Variants in CDC37L1 observed in about 807,000 individuals in gnomAD.
CDC37L1 encodes hsp90 co-chaperone Cdc37-like 1.
Under a neutral mutation model 45.9 loss-of-function variants are expected in CDC37L1, and 32 were observed. The observed-to-expected ratio is 0.70, with a 90% CI of 0.53 to 0.94. The LOEUF is 0.94. Among genes scored for constraint, CDC37L1 ranks in the 40% least tolerant of loss-of-function variants. CDC37L1 has a pLI of 0.00. For synonymous variants in CDC37L1, 150 were observed against 133.0 expected, an observed-to-expected ratio of 1.13 and a Z score of -0.88; for missense variants, 434 against 405.7, an observed-to-expected ratio of 1.07 and a Z score of -0.60.
At chr9:4,704,055 A>G (rs559927756) in intron 6 of CDC37L1, among the ~76,000 whole-genome samples, 1 of 152,350 alleles carries the variant, frequency 6.6e-6, no homozygotes, top group East Asian at 1.9e-4. Flanking sequence ...AGTTGAGGGA[A>G]GTAAAATGAG....
intron 5 of CDC37L1, among the ~76,000 whole-genome samples, chr9:4,700,009 ACT>A (rs1563772310): frequency 6.6e-6 from 1 of 152,014 alleles, no homozygotes; most frequent in East Asian, 1.9e-4. Flanking sequence ...TTAAAAAAAA[ACT>A]CTCAATGTGG....
chr9:4,701,225 C>T (rs556885256), intron 5 of CDC37L1, among the ~76,000 whole-genome samples: 1 of 152,202 alleles, frequency 6.6e-6, no homozygotes, highest in Non-Finnish European at 1.5e-5. Context: ...TAAACAGAGG[C>T]AGCTGCCAAT....
intron 3 of CDC37L1, among the ~76,000 whole-genome samples, chr9:4,692,812 T>A (rs1048218322): frequency 6.6e-6 from 1 of 152,188 alleles, no homozygotes; most frequent in Non-Finnish European, 1.5e-5. Context: ...TATTAACTGA[T>A]CATAGTAGTA....
chr9:4,697,080 A>G lies in CDC37L1; in HGVS notation c.509-16A>G, dbSNP rs7025425. ...GAAAATATTTGACACTTATGGTTCA[A>G]TTCTTTTTTTTACAGGTATGTTGAG... On this transcript the variant is annotated splice_polypyrimidine_tract_variant and intron_variant, in intron 3 of 6. Transcript: ENST00000381854. 5.2e-4 allele frequency: 587 copies of G among 1,128,056 alleles called. 2 individuals are homozygous for G. The highest frequency in any genetic ancestry group is 8.0e-5 in the Non-Finnish European group (60 of 752,470). 69.9% of individuals were successfully genotyped at this position (1,128,056 alleles called of 1,614,324 possible).
At chr9:4,702,067 T>A in intron 6 of CDC37L1, 39 bp downstream of exon 6, 2 of 1,102,158 alleles carry the variant, frequency 1.8e-6, no homozygotes, top group Non-Finnish European at 2.5e-6. Flanking sequence ...ATAAGCCTAT[T>A]AATTCACATA....
chr9:4,690,088 T>C (rs914499045), intron 3 of CDC37L1, among the ~76,000 whole-genome samples: 3 of 152,210 alleles, frequency 2.0e-5, no homozygotes, highest in African/African-American at 7.2e-5. Flanking sequence ...TCTGGCACTA[T>C]GTATCTTCAG....
chr9:4,701,819 A>T, intron 5 of CDC37L1, 45 bp from the exon 6 acceptor site: 1 of 1,443,680 alleles, frequency 6.9e-7, no homozygotes, highest in Non-Finnish European at 9.5e-7. Flanking sequence ...TATGTCTAGA[A>T]ATCTTGAAGA....
In CDC37L1 at chr9:4,679,903, A is replaced by G. The variant is rs771941234; in HGVS notation, c.132+4A>G. ...GCTGCCAGGCGGCGGCGCCCAGGTG[A>G]GAAGGGGCCTGCGTTCTGCGGAGGG... On this transcript the variant is annotated splice_donor_region_variant and intron_variant, in intron 1 of 6. Transcript: ENST00000381854. 2 of 1,613,592 alleles carry G rather than the reference A, an allele frequency of 1.2e-6. No homozygotes were observed. The highest frequency in any genetic ancestry group is 1.7e-6 in the Non-Finnish European group (2 of 1,179,866).
At chr9:4,692,580 T>A (rs1374889354) in intron 3 of CDC37L1, among the ~76,000 whole-genome samples, 3 of 152,192 alleles carry the variant, frequency 2.0e-5, no homozygotes, top group Non-Finnish European at 4.4e-5. Context: ...TTAATTTTGG[T>A]TTTTTAAAAA....
intron 6 of CDC37L1, 93 bp downstream of exon 6, chr9:4,702,121 C>T (rs1841404013): frequency 1.8e-6 from 1 of 543,314 alleles, no homozygotes; most frequent in South Asian, 3.7e-5. Context: ...TTAATATGTG[C>T]TACTATTTTA....
Position 4,697,212 on chromosome 9 carries a change from GTAT to G in CDC37L1, c.624+8_624+10del. ...GTGTTTTCACCTGGAAGCTGAGAAG[GTAT>G]TATTATGTGAACCTTGAGTTTCTGG... On this transcript the variant is annotated splice_donor_variant and splice_donor_region_variant and intron_variant, in intron 4 of 6. Coordinates refer to ENST00000381854, the MANE Select transcript of CDC37L1 (RefSeq NM_017913.4). LOFTEE classifies it high-confidence loss of function. 1.6e-6 allele frequency: 2 copies of G among 1,273,154 alleles called. No individual in the cohort carries two copies. Among genetic ancestry groups the G allele is most frequent in the Non-Finnish European group, 1.1e-6 (1 of 873,480 alleles). The allele number at this position is 1,273,154 out of a possible 1,614,324, so 78.9% of individuals were successfully genotyped here.
intron 6 of CDC37L1, chr9:4,702,960 A>G (rs370438121): frequency 1.3e-6 from 1 of 780,472 alleles, no homozygotes; most frequent in Non-Finnish European, 1.8e-6. Flanking sequence ...AAAAGGAGAC[A>G]TGATCAGACC....
intron 5 of CDC37L1, among the ~76,000 whole-genome samples, chr9:4,700,000 T>A (rs1328003203): frequency 2.0e-5 from 3 of 151,488 alleles, no homozygotes; most frequent in Middle Eastern, 3.4e-3. Context: ...ATTTTTATAT[T>A]AAAAAAAAAC....
At chr9:4,703,638 G>T (rs1421050574) in intron 6 of CDC37L1, among the ~76,000 whole-genome samples, 1 of 152,162 alleles carries the variant, frequency 6.6e-6, no homozygotes, top group Non-Finnish European at 1.5e-5. Context: ...GCATGGGAAG[G>T]AGAAAAGAGA....
chr9:4,687,574 G>A (rs1275595477), intron 2 of CDC37L1, among the ~76,000 whole-genome samples: 6 of 151,386 alleles, frequency 4.0e-5, no homozygotes, highest in Admixed American at 4.0e-4. Context: ...AGCTACTCTG[G>A]AGGCTAAGGT....
intron 3 of CDC37L1, among the ~76,000 whole-genome samples, chr9:4,692,136 G>C (rs1192909425): frequency 6.6e-6 from 1 of 151,882 alleles, no homozygotes; most frequent in Non-Finnish European, 1.5e-5. Context: ...TTCTGACTAT[G>C]AATATTTACA....
At chr9:4,683,119 T>TTA (rs921820547) in intron 1 of CDC37L1, among the ~76,000 whole-genome samples, 5 of 144,196 alleles carry the variant, frequency 3.5e-5, no homozygotes, top group African/African-American at 1.0e-4. Flanking sequence ...AAAATATATT[T>TTA]TATATATATT....
chr9:4,702,607 C>T (rs1250286535), intron 6 of CDC37L1, among the ~76,000 whole-genome samples: 6 of 152,092 alleles, frequency 3.9e-5, no homozygotes, highest in South Asian at 2.1e-4. Flanking sequence ...GTCGGCTGGG[C>T]GCAGTGGCTC....
intron 3 of CDC37L1, among the ~76,000 whole-genome samples, chr9:4,693,142 G>T (rs1841316505): frequency 1.3e-5 from 2 of 151,980 alleles, no homozygotes; most frequent in South Asian, 4.2e-4. Context: ...AGTGTAGTTT[G>T]TTAAAATATA....
Sources: gnomAD v4.1 joint callset for allele counts (sites outside exome capture counted in the v4.1 genomes callset) on GRCh38, gnomAD v4.1.1 for gene constraint, MANE v1.5 for transcripts, NCBI Gene and HGNC (gene_info 2026-07-23, HGNC 2026-07-21) for gene names.